Variants in COBL observed in about 807,000 individuals in gnomAD.
The protein encoded by COBL is protein cordon-bleu.
A neutral mutation model predicts 98.8 loss-of-function variants in COBL; 51 were observed. That is an observed-to-expected ratio of 0.52 (90% CI 0.41 to 0.65). The LOEUF is 0.65. COBL is among the 30% of genes least tolerant of loss of function. The pLI, the probability that COBL is intolerant of heterozygous loss-of-function variation, is 0.00. For missense variants in COBL, 1,617 were observed against 1,617.5 expected (o/e 1.00, Z 0.01); for synonymous variants, 634 against 651.7 (o/e 0.97, Z 0.41).
At chr7:51,271,218 C>A (rs1388689901) in intron 1 of COBL, among the ~76,000 whole-genome samples, 1 of 152,200 alleles carries the variant, frequency 6.6e-6, no homozygotes, top group Non-Finnish European at 1.5e-5. Context: ...CACAAAGCTG[C>A]AAATATCTGC....
Position 51,200,622 on chromosome 7 carries a change from C to T in COBL, c.246-7033G>A, listed in dbSNP as rs373952604. Among the ~76,000 whole-genome samples, 13 of 152,048 alleles carry T rather than the reference C, an allele frequency of 8.5e-5. 1 individual carries two copies. The South Asian group carries it at 1.5e-3, about 17-fold the overall frequency. The stretch of plus-strand genomic sequence containing the variant: ...TGGTAACCACACACAAATACACACA[C>T]GATGTACAGTAGATGCAAAAAAGAT... On this transcript the variant is annotated intron_variant, in intron 2 of 12. Transcript: ENST00000265136.
At chr7:51,313,146 A>C (rs1803214997) in intron 1 of COBL, among the ~76,000 whole-genome samples, 1 of 152,252 alleles carries the variant, frequency 6.6e-6, no homozygotes, top group South Asian at 2.1e-4. Flanking sequence ...TTCATTATAC[A>C]TGCTCTCATT....
chr7:51,174,916 C>T (rs987992461), intron 5 of COBL, among the ~76,000 whole-genome samples: 6 of 152,166 alleles, frequency 3.9e-5, no homozygotes, highest in Non-Finnish European at 8.8e-5. Flanking sequence ...TGGTCTAAGT[C>T]GGCAGCATTC....
In COBL at chr7:51,156,379, A is replaced by T. The variant is rs1476582356; in HGVS notation, c.784-20048T>A. ...GAAGCTCAGAGCCAATACTTCCGAA[A>T]TGTCCCTTTCTGAAAGCTCACCGAA... On this transcript the variant is annotated intron_variant, in intron 5 of 12. Coordinates refer to ENST00000265136, the MANE Select transcript of COBL (RefSeq NM_015198.5). 3 of 985,204 alleles carry T rather than the reference A, an allele frequency of 3.0e-6. No homozygotes were observed. The African/African-American group carries it at 5.2e-5, about 17-fold the overall frequency. 61.0% of individuals were successfully genotyped at this position (985,204 alleles called of 1,614,324 possible).
rs199763616 is a variant in COBL, at chr7:51,207,237, A to ATT, written c.245+12502_245+12503dup. On this transcript the variant is annotated intron_variant, in intron 2 of 12. Transcript: ENST00000265136. ...CCAATAGGTACTTGGTACAGCGGAC[A>ATT]TTTTTTTTTTTTTTTGGTTAAGGAA... Among the ~76,000 whole-genome samples the ATT allele has an allele frequency of 7.7e-3, 1,100 of 143,390 alleles. 12 individuals carry two copies. The highest frequency in any genetic ancestry group is 0.026 in the African/African-American group (1,033 of 39,054). The allele number at this position is 143,390 out of a possible 152,430, so 94.1% of individuals were successfully genotyped here.
chr7:51,312,629 A>G (rs1803167395), intron 1 of COBL, among the ~76,000 whole-genome samples: 1 of 152,200 alleles, frequency 6.6e-6, no homozygotes, highest in East Asian at 1.9e-4. Context: ...ACTTGCGTGG[A>G]CACAGATTAT....
At chr7:51,054,286 T>G (rs1396308373) in intron 7 of COBL, among the ~76,000 whole-genome samples, 1 of 152,224 alleles carries the variant, frequency 6.6e-6, no homozygotes, top group Non-Finnish European at 1.5e-5. Flanking sequence ...GGCCAGTTCT[T>G]TTATTTCCTT....
intron 6 of COBL, among the ~76,000 whole-genome samples, chr7:51,089,828 CT>C (rs5884191): frequency 0.62 from 93,670 of 150,236 alleles, 29,392 homozygotes; most frequent in Middle Eastern, 0.73. Flanking sequence ...TACCATTTAT[CT>C]TTTTTTTTTT....
At chr7:51,019,727 C>T (rs1588229157) in intron 12 of COBL, among the ~76,000 whole-genome samples, 1 of 152,116 alleles carries the variant, frequency 6.6e-6, no homozygotes, top group East Asian at 1.9e-4. Context: ...CAGAACTGAC[C>T]CCTAGGCCTC....
chr7:51,104,469 G>A (rs2128966900), intron 6 of COBL, among the ~76,000 whole-genome samples: 1 of 152,312 alleles, frequency 6.6e-6, no homozygotes, highest in South Asian at 2.1e-4. Context: ...TGGTGGATAA[G>A]TTGCTTAACC....
chr7:51,100,269 C>T (rs1321989662), intron 6 of COBL, among the ~76,000 whole-genome samples: 1 of 152,208 alleles, frequency 6.6e-6, no homozygotes, highest in African/African-American at 2.4e-5. Context: ...ATTTCACTTA[C>T]TCCTTCAATT....
chr7:51,231,388 T>A (rs1490997905), intron 1 of COBL, among the ~76,000 whole-genome samples: 1 of 152,150 alleles, frequency 6.6e-6, no homozygotes, highest in East Asian at 1.9e-4. Flanking sequence ...AGTGGCCTCC[T>A]CCCCTCACCT....
rs143364192 is a variant in COBL at position 51,020,106 on chromosome 7, C to T, written c.3769-2538G>A. On this transcript the variant is annotated intron_variant, in intron 12 of 12. Coordinates refer to ENST00000265136, the MANE Select transcript of COBL (RefSeq NM_015198.5). ...GAGACTGGAACTCAGTTCAATAGGA[C>T]GTTTCCCAAAGCGGCTAGGAGCTGA... Among the ~76,000 whole-genome samples the T allele has an allele frequency of 3.4e-3, 511 of 152,316 alleles. 4 individuals carry two copies. The highest frequency in any genetic ancestry group is 0.011 in the African/African-American group (459 of 41,576).
In COBL at chr7:51,028,861, G is replaced by C. The variant is rs145708533; in HGVS notation, c.2235C>G (p.Thr745=). 10 of 1,614,080 alleles carry C rather than the reference G, an allele frequency of 6.2e-6. No homozygotes were observed. Among genetic ancestry groups the C allele is most frequent in the Non-Finnish European group, 8.5e-6 (10 of 1,180,038 alleles). Residue 745 remains threonine (T), a synonymous_variant, in exon 10 of 13, where the codon ACC becomes ACG. Transcript: ENST00000265136. ...ELGNLVSPHA[T]GIRIISLSSS... ...AAGACAGGGAAATGATCCTGATGCC[G>C]GTGGCGTGAGGACTCACCAAGTTCC...
chr7:51,193,424 T>C lies in COBL; in HGVS notation c.411A>G (p.Lys137=), dbSNP rs778171214. The part of the protein sequence containing the change: ...LNVHTVFLKE[K]VPEEKVKPGP... ...CAGGCTTAACCTTCTCTTCAGGAAC[T>C]TTTTCTTTCAGAAACACAGTATGCA... The change falls in exon 3 of 13, where the codon AAA becomes AAG. Residue 137 remains lysine, a synonymous_variant. Coordinates refer to ENST00000265136, the MANE Select transcript of COBL (RefSeq NM_015198.5). 6.2e-7 allele frequency: 1 copy of C among 1,614,150 alleles called. No homozygotes were observed. Among genetic ancestry groups the C allele is most frequent in the Non-Finnish European group, 8.5e-7 (1 of 1,180,012 alleles).
intron 5 of COBL, among the ~76,000 whole-genome samples, chr7:51,155,044 C>G (rs192489078): frequency 3.1e-3 from 476 of 152,314 alleles, no homozygotes; most frequent in Non-Finnish European, 5.2e-3. Flanking sequence ...ATAAATGACT[C>G]TGTCCTCATA....
chr7:51,225,008 A>ACTGTGTGTGTGGATGGC, intron 1 of COBL, among the ~76,000 whole-genome samples: 1 of 152,002 alleles, frequency 6.6e-6, no homozygotes, highest in African/African-American at 2.4e-5. Flanking sequence ...GTGTGGGTGG[A>ACTGTGTGTGTGGATGGC]CTGTGTGTGT....
chr7:51,271,107 G>T (rs1206458859), intron 1 of COBL, among the ~76,000 whole-genome samples: 2 of 152,248 alleles, frequency 1.3e-5, no homozygotes, highest in East Asian at 3.9e-4. Flanking sequence ...TCCACGCTGG[G>T]GAGTCTGTGT....
intron 1 of COBL, among the ~76,000 whole-genome samples, chr7:51,292,025 G>C (rs1447419414): frequency 6.6e-6 from 1 of 151,882 alleles, no homozygotes; most frequent in Admixed American, 6.6e-5. Flanking sequence ...GCTGGGTGTG[G>C]TGGAGGGCGC....
Sources: allele counts gnomAD v4.1 joint callset (sites outside exome capture counted in the v4.1 genomes callset), GRCh38; gene constraint gnomAD v4.1.1; transcripts MANE v1.5; gene names NCBI Gene and HGNC (gene_info 2026-07-23, HGNC 2026-07-21).